KCNH8: variants seen among roughly 807,000 people sequenced by gnomAD.
KCNH8 encodes voltage-gated delayed rectifier potassium channel KCNH8.
KCNH8 carries 70 observed loss-of-function variants against 103.6 expected under a neutral mutation model. The observed-to-expected ratio is 0.68, with a 90% CI of 0.56 to 0.82. The LOEUF is 0.82. KCNH8 is among the 40% of genes least tolerant of loss of function. The pLI is 0.00. For synonymous variants in KCNH8, 498 were observed against 489.4 expected (o/e 1.02, Z -0.23); for missense variants, 1,217 against 1,329.9 (o/e 0.92, Z 1.32).
chr3:19,529,974 G>C (rs866222107), intron 15 of KCNH8, among the ~76,000 whole-genome samples: 1 of 152,124 alleles, frequency 6.6e-6, no homozygotes, highest in African/African-American at 2.4e-5. Flanking sequence ...GCTTGTTTAT[G>C]TTCCTGGATC....
chr3:19,151,736 T>C (rs2063132440), intron 1 of KCNH8, among the ~76,000 whole-genome samples: 2 of 151,942 alleles, frequency 1.3e-5, no homozygotes, highest in Non-Finnish European at 2.9e-5. Flanking sequence ...TTACATATTA[T>C]AATATTTCTT....
chr3:19,534,036 C>A lies in KCNH8; in HGVS notation c.3261C>A (p.Asn1087Lys). 1 of 1,614,150 alleles carries A rather than the reference C, an allele frequency of 6.2e-7. No homozygotes were observed. The highest frequency in any genetic ancestry group is 1.1e-5 in the South Asian group (1 of 91,090). ...MASASTKPLE[N>K]LPLEVVTSTA... is the part of the protein sequence containing the mutation. ...CAGCTTCTACAAAACCTTTGGAGAACCTTCCACTGGAAGTTGTCACAAGCA... is the reference window on the plus strand; with the variant it reads ...CAGCTTCTACAAAACCTTTGGAGAAACTTCCACTGGAAGTTGTCACAAGCA... Residue 1087 changes from asparagine (N) to lysine (K), a missense_variant, in exon 16 of 16, where the codon AAC becomes AAA. Asn to Lys is a moderately conservative substitution (Grantham distance 94, BLOSUM62 0). Transcript: ENST00000328405.
At chr3:19,346,651 G>T (rs762521909) in intron 4 of KCNH8, 7 of 456,280 alleles carry the variant, frequency 1.5e-5, no homozygotes, top group South Asian at 1.1e-4. Context: ...TGAATCCTCA[G>T]GTACTTCAGG....
At chr3:19,220,394 A>T (rs1318375700) in intron 1 of KCNH8, among the ~76,000 whole-genome samples, 1 of 152,212 alleles carries the variant, frequency 6.6e-6, no homozygotes, top group African/African-American at 2.4e-5. Context: ...AAACTCATGA[A>T]TGGCTTGCAA....
chr3:19,308,110 GA>G (rs2065153527), intron 3 of KCNH8, among the ~76,000 whole-genome samples: 1 of 151,788 alleles, frequency 6.6e-6, no homozygotes, highest in Non-Finnish European at 1.5e-5. Context: ...ACTCTGATCT[GA>G]TTGCTATATG....
chr3:19,233,097 A>G (rs2064016818), intron 1 of KCNH8, among the ~76,000 whole-genome samples: 1 of 113,228 alleles, frequency 8.8e-6, no homozygotes, highest in South Asian at 3.1e-4. Flanking sequence ...TTGAGCTGTT[A>G]TCTTAAATGG....
intron 1 of KCNH8, among the ~76,000 whole-genome samples, chr3:19,211,286 C>A: frequency 6.6e-6 from 1 of 152,072 alleles, no homozygotes; most frequent in African/African-American, 2.4e-5. Flanking sequence ...TGATTTATTT[C>A]CAAATAGGTT....
At chr3:19,253,124 C>A (rs898188201) in intron 1 of KCNH8, among the ~76,000 whole-genome samples, 8 of 152,098 alleles carry the variant, frequency 5.3e-5, no homozygotes, top group Non-Finnish European at 4.4e-5. Context: ...CAGTGGTGAA[C>A]CCCTTTTTAA....
intron 5 of KCNH8, among the ~76,000 whole-genome samples, chr3:19,355,887 T>TAC (rs2065875525): frequency 6.7e-6 from 1 of 150,244 alleles, no homozygotes; most frequent in South Asian, 2.1e-4. Context: ...TATAATAAAA[T>TAC]ATATATATAT....
At chr3:19,210,555 C>G (rs1260302456) in intron 1 of KCNH8, among the ~76,000 whole-genome samples, 1 of 150,608 alleles carries the variant, frequency 6.6e-6, no homozygotes, top group African/African-American at 2.5e-5. Flanking sequence ...TCCTGAATGC[C>G]CATTTAAAAA....
rs541890842 is a variant in KCNH8, at chr3:19,208,022, T to C, written c.77-45632T>C. Among the ~76,000 whole-genome samples the C allele has an allele frequency of 1.3e-3, 202 of 152,154 alleles. 1 individual carries two copies. The highest frequency in any genetic ancestry group is 4.7e-3 in the African/African-American group (194 of 41,554). On this transcript the variant is annotated intron_variant, in intron 1 of 15. Transcript: ENST00000328405. Reference sequence around the variant, plus strand: ...AATATCAACTGGCAATTCTAAGAATTATTAAAATAAGATGTTAATTTCAGT... The same window carrying C: ...AATATCAACTGGCAATTCTAAGAATCATTAAAATAAGATGTTAATTTCAGT...
chr3:19,318,172 T>C (rs916678770), intron 3 of KCNH8, among the ~76,000 whole-genome samples: 1 of 151,952 alleles, frequency 6.6e-6, no homozygotes, highest in South Asian at 2.1e-4. Context: ...AGCATTCCTG[T>C]ACACCAACAA....
chr3:19,501,625 C>A (rs372321153), intron 11 of KCNH8, among the ~76,000 whole-genome samples: 1 of 152,116 alleles, frequency 6.6e-6, no homozygotes, highest in African/African-American at 2.4e-5. Flanking sequence ...GTTCAACATA[C>A]GCAAATCAAT....
rs188306844 is a variant in KCNH8 at position 19,416,168 on chromosome 3, G to T, written c.1177+20857G>T. On this transcript the variant is annotated intron_variant, in intron 7 of 15. Transcript: ENST00000328405. ...ATGTGCATTGGTCACCACAGAATTTGGTTTACATGATACTGATTTTTCAGT... is the reference window on the plus strand; with the variant it reads ...ATGTGCATTGGTCACCACAGAATTTTGTTTACATGATACTGATTTTTCAGT... Among the ~76,000 whole-genome samples, 366 of 151,982 alleles carry T rather than the reference G, an allele frequency of 2.4e-3. 3 individuals are homozygous for T. Among genetic ancestry groups the T allele is most frequent in the African/African-American group, 7.9e-3 (329 of 41,448 alleles).
chr3:19,499,797 C>A (rs1358281923), intron 11 of KCNH8, among the ~76,000 whole-genome samples: 1 of 152,072 alleles, frequency 6.6e-6, no homozygotes, highest in East Asian at 1.9e-4. Context: ...AAGCGCTAAA[C>A]ATGGAAAGAA....
intron 1 of KCNH8, among the ~76,000 whole-genome samples, chr3:19,160,801 T>C (rs1212732717): frequency 2.6e-5 from 4 of 152,156 alleles, no homozygotes; most frequent in Non-Finnish European, 2.9e-5. Flanking sequence ...CTGTACATGC[T>C]ACCTCTCCTT....
chr3:19,295,731 G>A (rs1053042181), intron 3 of KCNH8, among the ~76,000 whole-genome samples: 1 of 152,100 alleles, frequency 6.6e-6, no homozygotes. Context: ...GGGTGGTGTG[G>A]CTAGTGTGGA....
chr3:19,311,172 CTAATAA>C (rs1031136738), intron 3 of KCNH8, among the ~76,000 whole-genome samples: 1 of 151,212 alleles, frequency 6.6e-6, no homozygotes, highest in Non-Finnish European at 1.5e-5. Flanking sequence ...CCTCTCATGT[CTAATAA>C]TAATAATAAT....
At chr3:19,435,866 T>C (rs774070176) in intron 7 of KCNH8, among the ~76,000 whole-genome samples, 1 of 152,206 alleles carries the variant, frequency 6.6e-6, no homozygotes, top group Non-Finnish European at 1.5e-5. Context: ...TCAAAGTTTT[T>C]AGGAACACAT....
Sources: gnomAD v4.1 joint callset for allele counts (sites outside exome capture counted in the v4.1 genomes callset) on GRCh38, gnomAD v4.1.1 for gene constraint, MANE v1.5 for transcripts, NCBI Gene and HGNC (gene_info 2026-07-23, HGNC 2026-07-21) for gene names.